Variants in VGLL4 observed in about 807,000 individuals in gnomAD.
The protein encoded by VGLL4 is transcription cofactor vestigial-like protein 4.
A neutral mutation model predicts 21.0 loss-of-function variants in VGLL4; 7 were observed. That is an observed-to-expected ratio of 0.33 (90% CI 0.19 to 0.63). The LOEUF is 0.63. Among genes scored for constraint, VGLL4 ranks in the 20% least tolerant of loss-of-function variants. The pLI is 0.78. For missense variants in VGLL4, 394 were observed against 425.7 expected, an observed-to-expected ratio of 0.93 and a Z score of 0.66; for synonymous variants, 222 against 173.2, an observed-to-expected ratio of 1.28 and a Z score of -2.21.
At chr3:11,575,455 G>A (rs1009867768) in intron 2 of VGLL4, among the ~76,000 whole-genome samples, 10 of 152,162 alleles carry the variant, frequency 6.6e-5, no homozygotes, top group Admixed American at 3.9e-4. Flanking sequence ...GTGTGAGTCT[G>A]CCCCTCTCTC....
chr3:11,613,080 C>T (rs2075093806), intron 1 of VGLL4, among the ~76,000 whole-genome samples: 1 of 152,052 alleles, frequency 6.6e-6, no homozygotes. Flanking sequence ...AAAAAAGAGG[C>T]TTGTTCAAAC....
At chr3:11,650,902 T>G (rs1281284646) in intron 2 of VGLL4, among the ~76,000 whole-genome samples, 1 of 152,152 alleles carries the variant, frequency 6.6e-6, no homozygotes, top group Non-Finnish European at 1.5e-5. Context: ...TCCGTCGCAA[T>G]TTACCAGCAC....
In VGLL4 at chr3:11,719,172, G is replaced by A. The variant is rs1416407225; in HGVS notation, c.-14+1222C>T. On this transcript the variant is annotated intron_variant, in intron 1 of 5. Coordinates refer to the VGLL4 transcript ENST00000273038. The surrounding 1 kb of genome is among the most constrained non-coding windows in gnomAD (Gnocchi z 4.0). ...CACAGCCCTCCCTGAGGCCGGCGGG[G>A]ACCGCGGGGTGCCAGGCGCGGGCCT... Among the ~76,000 whole-genome samples, 1 of 151,986 alleles carries A rather than the reference G, an allele frequency of 6.6e-6. No individual in the cohort carries two copies. Among genetic ancestry groups the A allele is most frequent in the Non-Finnish European group, 1.5e-5 (1 of 67,978 alleles).
In VGLL4 at chr3:11,557,646, TAAAC is replaced by T. The variant is rs984220833; in HGVS notation, c.*906_*909del. 6.5e-5 allele frequency: 10 copies of T among 152,752 alleles called. No individual in the cohort carries two copies. The highest frequency in any genetic ancestry group is 2.4e-4 in the African/African-American group (10 of 41,462). The allele number at this position is 152,752 out of a possible 1,614,324, so 9.5% of individuals were successfully genotyped here. A position where few individuals can be genotyped will look rare whatever the true frequency, so the allele number is the denominator to read the frequency against. ...TATCTAGGACTGTAACTGACAAAAA[TAAAC>T]TAATTCTGAAAAGAAGATAGTAAGT... On this transcript the variant is annotated 3_prime_UTR_variant, in exon 5 of 5. Coordinates refer to ENST00000430365, the MANE Select transcript of VGLL4 (RefSeq NM_001128219.3).
intron 2 of VGLL4, among the ~76,000 whole-genome samples, chr3:11,691,483 G>T (rs983307546): frequency 6.6e-6 from 1 of 152,148 alleles, no homozygotes; most frequent in Admixed American, 6.5e-5. Context: ...TATAGCATTT[G>T]CCATGGTGTA....
chr3:11,705,385 G>T (rs1047855175), intron 1 of VGLL4, among the ~76,000 whole-genome samples: 7 of 152,170 alleles, frequency 4.6e-5, no homozygotes, highest in African/African-American at 1.7e-4. Context: ...AGAGAGGAGG[G>T]GAGGGCCACG....
At chr3:11,711,648 C>T (rs73128847) in intron 1 of VGLL4, among the ~76,000 whole-genome samples, 17,359 of 152,022 alleles carry the variant, frequency 0.11, 3,039 homozygotes, top group African/African-American at 0.37. Flanking sequence ...GCCCAGGAAG[C>T]TGAAGCTGCA....
chr3:11,666,523 A>T (rs1363354231), intron 2 of VGLL4, among the ~76,000 whole-genome samples: 2 of 152,246 alleles, frequency 1.3e-5, no homozygotes, highest in Non-Finnish European at 2.9e-5. Context: ...CTAGGGTGCT[A>T]GTCACAGTGA....
At chr3:11,581,384 TG>T (rs1332029220) in intron 2 of VGLL4, among the ~76,000 whole-genome samples, 38 of 152,240 alleles carry the variant, frequency 2.5e-4, no homozygotes, top group Non-Finnish European at 1.0e-4. Context: ...TTCTCTTTAA[TG>T]GCCAGAAAGT....
At chr3:11,697,352 C>A (rs889009892) in intron 2 of VGLL4, among the ~76,000 whole-genome samples, 1 of 152,102 alleles carries the variant, frequency 6.6e-6, no homozygotes, top group African/African-American at 2.4e-5. Flanking sequence ...AGCAATCCTC[C>A]CTCCTCAGCC....
chr3:11,689,885 C>T (rs1199280268), intron 2 of VGLL4, among the ~76,000 whole-genome samples: 1 of 152,198 alleles, frequency 6.6e-6, no homozygotes, highest in Admixed American at 6.5e-5. Context: ...AGTCTCTCCT[C>T]CAGTGGCGAA....
chr3:11,700,782 G>A (rs1484168944), intron 2 of VGLL4, among the ~76,000 whole-genome samples: 1 of 152,192 alleles, frequency 6.6e-6, no homozygotes, highest in African/African-American at 2.4e-5. Context: ...TGCAATCTTA[G>A]AGGAATAAAG....
intron 2 of VGLL4, among the ~76,000 whole-genome samples, chr3:11,575,936 C>T (rs1205508055): frequency 6.6e-6 from 1 of 152,224 alleles, no homozygotes; most frequent in Admixed American, 6.5e-5. Context: ...GCCAGCAGCG[C>T]GGAGCCCGTC....
At chr3:11,608,814 T>C (rs900608079) in intron 1 of VGLL4, among the ~76,000 whole-genome samples, 1 of 152,198 alleles carries the variant, frequency 6.6e-6, no homozygotes, top group African/African-American at 2.4e-5. Context: ...AAATAATGAT[T>C]CACACAGAAC....
chr3:11,682,064 G>A (rs2076379932), intron 2 of VGLL4, among the ~76,000 whole-genome samples: 1 of 152,182 alleles, frequency 6.6e-6, no homozygotes, highest in African/African-American at 2.4e-5. Context: ...TTCGAGACCA[G>A]TCTGGCCAAC....
At chr3:11,601,508 G>T (rs2074796740) in intron 2 of VGLL4, among the ~76,000 whole-genome samples, 1 of 152,150 alleles carries the variant, frequency 6.6e-6, no homozygotes, top group African/African-American at 2.4e-5. Flanking sequence ...CAATCAATAT[G>T]TATGGGCAAA....
In VGLL4 at chr3:11,557,256, TAAC is replaced by T. The variant is rs771470628; in HGVS notation, c.*1297_*1299del. 1 of 152,790 alleles carries T rather than the reference TAAC, an allele frequency of 6.5e-6. No individual in the cohort carries two copies. The highest frequency in any genetic ancestry group is 1.5e-5 in the Non-Finnish European group (1 of 68,048). The allele number at this position is 152,790 out of a possible 1,614,324, so 9.5% of individuals were successfully genotyped here. A position where few individuals can be genotyped will look rare whatever the true frequency, so the allele number is the denominator to read the frequency against. ...ATATAGCAAATAATAAATGCAGTAA[TAAC>T]AGTATAAAGTCAGAGGAATGTATAC... On this transcript the variant is annotated 3_prime_UTR_variant, in exon 5 of 5. Transcript: ENST00000430365.
At chr3:11,695,719 C>T (rs762004701) in intron 2 of VGLL4, among the ~76,000 whole-genome samples, 18 of 151,818 alleles carry the variant, frequency 1.2e-4, no homozygotes, top group Admixed American at 2.6e-4. Flanking sequence ...AAGGCTTTGT[C>T]AGAATGCCAG....
At chr3:11,618,633 A>G (rs912142209) in intron 1 of VGLL4, among the ~76,000 whole-genome samples, 6 of 152,198 alleles carry the variant, frequency 3.9e-5, no homozygotes, top group Admixed American at 2.0e-4. Flanking sequence ...ATTATACACA[A>G]TCAAGGACTT....
Sources: allele counts gnomAD v4.1 joint callset (sites outside exome capture counted in the v4.1 genomes callset), GRCh38; gene constraint gnomAD v4.1.1; non-coding constraint Gnocchi (gnomAD v3.1); transcripts MANE v1.5; gene names NCBI Gene and HGNC (gene_info 2026-07-23, HGNC 2026-07-21).